LRRC7: variants seen among roughly 807,000 people sequenced by gnomAD.
LRRC7 encodes the protein leucine-rich repeat-containing protein 7.
LRRC7 carries 23 observed loss-of-function variants against 175.7 expected under a neutral mutation model. The ratio of observed to expected loss-of-function variants is 0.13; its 90% CI spans 0.09 to 0.19. The LOEUF (loss-of-function observed/expected upper bound fraction) is 0.19, where lower values mean the gene tolerates loss of function less well. Ranked by LOEUF, LRRC7 falls within the 10% of genes least tolerant of loss-of-function variation. LRRC7 has a pLI of 1.00. For missense variants in LRRC7, 1,354 were observed against 1,904.7 expected, an observed-to-expected ratio of 0.71 and a Z score of 5.38; for synonymous variants, 685 against 680.9, an observed-to-expected ratio of 1.01 and a Z score of -0.09.
At chr1:69,940,424 GT>G (rs1312617826) in intron 8 of LRRC7, among the ~76,000 whole-genome samples, 5 of 151,966 alleles carry the variant, frequency 3.3e-5, no homozygotes, top group Non-Finnish European at 7.4e-5. Context: ...CTCGGTTTGC[GT>G]TTCCATAAAT....
At chr1:69,856,115 G>A (rs912980508) in intron 7 of LRRC7, among the ~76,000 whole-genome samples, 2 of 152,066 alleles carry the variant, frequency 1.3e-5, no homozygotes, top group African/African-American at 4.8e-5. Context: ...GGAGCATTTA[G>A]CCCATTTACA....
chr1:69,624,551 C>A (rs981512842), intron 1 of LRRC7, among the ~76,000 whole-genome samples: 2 of 151,762 alleles, frequency 1.3e-5, no homozygotes, highest in Non-Finnish European at 2.9e-5. Context: ...GTGGGGTAGG[C>A]TTTTTGTATC....
At chr1:69,831,011 A>C (rs1026305851) in intron 5 of LRRC7, among the ~76,000 whole-genome samples, 4 of 151,938 alleles carry the variant, frequency 2.6e-5, no homozygotes, top group African/African-American at 9.7e-5. Flanking sequence ...ACCAAAGAAG[A>C]AGCAAAAAAG....
chr1:69,941,829 T>A (rs993764835), intron 8 of LRRC7, among the ~76,000 whole-genome samples: 36 of 152,106 alleles, frequency 2.4e-4, no homozygotes, highest in African/African-American at 8.4e-4. Flanking sequence ...AGCCTTTCCA[T>A]GTGACAAACA....
At chr1:70,089,320 A>G (rs1216156004) in intron 24 of LRRC7, among the ~76,000 whole-genome samples, 6 of 152,178 alleles carry the variant, frequency 3.9e-5, no homozygotes, top group Non-Finnish European at 7.4e-5. Flanking sequence ...CTTTCACTCT[A>G]CATTTTAAAG....
chr1:69,848,005 C>T (rs189068268), intron 7 of LRRC7, among the ~76,000 whole-genome samples: 1 of 152,028 alleles, frequency 6.6e-6, no homozygotes, highest in African/African-American at 2.4e-5. Context: ...TACAATGCAC[C>T]TTTATATCTC....
At chr1:70,115,005 T>G (rs1665757419) in intron 26 of LRRC7, among the ~76,000 whole-genome samples, 1 of 152,174 alleles carries the variant, frequency 6.6e-6, no homozygotes, top group South Asian at 2.1e-4. Flanking sequence ...GTTCGATAAC[T>G]TATTTGAGTT....
intron 2 of LRRC7, among the ~76,000 whole-genome samples, chr1:69,696,895 A>C (rs1162631138): frequency 6.6e-6 from 1 of 152,208 alleles, no homozygotes; most frequent in Non-Finnish European, 1.5e-5. Flanking sequence ...CAGAACCATA[A>C]GCCAAAATAA....
chr1:69,928,958 C>A (rs1256863695), intron 7 of LRRC7, among the ~76,000 whole-genome samples: 1 of 152,208 alleles, frequency 6.6e-6, no homozygotes, highest in Admixed American at 6.5e-5. Context: ...TGGCTGCCAG[C>A]CTCTGAAATA....
Position 69,743,414 on chromosome 1 carries a change from C to T in LRRC7, c.101-16777C>T, listed in dbSNP as rs540530938. ...GCAGAGAAAAACACTTGCAAAAGCACGGAAGAATGCAAAGGCATCATGGGT... is the reference window on the plus strand; with the variant it reads ...GCAGAGAAAAACACTTGCAAAAGCATGGAAGAATGCAAAGGCATCATGGGT... On this transcript the variant is annotated intron_variant, in intron 2 of 26. Coordinates refer to ENST00000651989, the MANE Select transcript of LRRC7 (RefSeq NM_001370785.2). Among the ~76,000 whole-genome samples, 163 of 152,042 alleles carry T rather than the reference C, an allele frequency of 1.1e-3. 2 individuals carry two copies. Among genetic ancestry groups the T allele is most frequent in the African/African-American group, 3.7e-3 (152 of 41,508 alleles).
chr1:70,043,760 T>G (rs771490286), intron 21 of LRRC7, among the ~76,000 whole-genome samples, 194 bp from the exon 22 acceptor site: 4 of 152,198 alleles, frequency 2.6e-5, no homozygotes, highest in Non-Finnish European at 4.4e-5. Context: ...TTCTGTAGTT[T>G]TGGATGGTAC....
chr1:69,582,843 G>T (rs552708197), intron 1 of LRRC7, among the ~76,000 whole-genome samples: 1 of 152,074 alleles, frequency 6.6e-6, no homozygotes, highest in Non-Finnish European at 1.5e-5. Context: ...TCTGTTTAAT[G>T]CAGTTGTACT....
At chr1:69,782,442 G>C (rs1284737295) in intron 3 of LRRC7, among the ~76,000 whole-genome samples, 2 of 152,216 alleles carry the variant, frequency 1.3e-5, no homozygotes, top group Non-Finnish European at 2.9e-5. Context: ...TCTGGAACTT[G>C]AACAACAGAG....
chr1:70,056,149 A>G (rs1195598911), intron 23 of LRRC7, among the ~76,000 whole-genome samples: 2 of 152,206 alleles, frequency 1.3e-5, no homozygotes, highest in Non-Finnish European at 2.9e-5. Context: ...TCCTAAGTTC[A>G]GTAGAGAAAA....
chr1:69,760,035 T>C (rs2100935656), intron 2 of LRRC7, 156 bp from the exon 3 acceptor site: 2 of 754,404 alleles, frequency 2.7e-6, no homozygotes, highest in Non-Finnish European at 4.1e-6. Flanking sequence ...CAGGGCTGTT[T>C]AAGGATTTAA....
At chr1:70,024,223 C>A (rs1340521231) in intron 17 of LRRC7, among the ~76,000 whole-genome samples, 1 of 151,660 alleles carries the variant, frequency 6.6e-6, no homozygotes, top group African/African-American at 2.4e-5. Context: ...AAAGTATTAA[C>A]TAATATTTCT....
chr1:70,081,290 A>G (rs1663193463), intron 24 of LRRC7, among the ~76,000 whole-genome samples: 1 of 152,234 alleles, frequency 6.6e-6, no homozygotes, highest in Admixed American at 6.5e-5. Context: ...AAAGAAACTA[A>G]CATCAGCTTT....
chr1:69,594,542 A>G (rs1233216305), intron 1 of LRRC7, among the ~76,000 whole-genome samples: 1 of 152,046 alleles, frequency 6.6e-6, no homozygotes, highest in Non-Finnish European at 1.5e-5. Flanking sequence ...AATTACTTTT[A>G]TTACCTGCCT....
At chr1:69,911,434 C>T (rs1646527497) in intron 7 of LRRC7, among the ~76,000 whole-genome samples, 1 of 152,170 alleles carries the variant, frequency 6.6e-6, no homozygotes, top group African/African-American at 2.4e-5. Context: ...TTTAAGTGTT[C>T]CCTTTTCTCC....
Sources: allele counts gnomAD v4.1 joint callset (sites outside exome capture counted in the v4.1 genomes callset), GRCh38; gene constraint gnomAD v4.1.1; transcripts MANE v1.5; gene names NCBI Gene and HGNC (gene_info 2026-07-23, HGNC 2026-07-21).